KHDRBS3: variants seen among roughly 807,000 people sequenced by gnomAD.
The protein encoded by KHDRBS3 is KH RNA binding domain containing, signal transduction associated 3.
KHDRBS3 carries 23 observed loss-of-function variants against 45.6 expected under a neutral mutation model. The ratio of observed to expected loss-of-function variants is 0.50; its 90% CI spans 0.36 to 0.72. KHDRBS3 has a LOEUF of 0.72. Ranked by LOEUF, KHDRBS3 falls within the 30% of genes least tolerant of loss-of-function variation. The pLI is 0.00. For missense variants in KHDRBS3, 352 were observed against 424.8 expected (o/e 0.83, Z 1.51); for synonymous variants, 162 against 156.5 (o/e 1.04, Z -0.26).
At chr8:135,538,304 A>G (rs1245651653) in intron 2 of KHDRBS3, among the ~76,000 whole-genome samples, 1 of 152,220 alleles carries the variant, frequency 6.6e-6, no homozygotes, top group African/African-American at 2.4e-5. Context: ...CTAACTCAGG[A>G]CATATGTCTT....
intron 5 of KHDRBS3, among the ~76,000 whole-genome samples, chr8:135,569,454 G>A (rs576587797): frequency 6.6e-6 from 1 of 152,250 alleles, no homozygotes; most frequent in South Asian, 2.1e-4. Flanking sequence ...CAGGTAAGAG[G>A]TTTTAAATTA....
chr8:135,546,317 A>T (rs2130787985), intron 3 of KHDRBS3, among the ~76,000 whole-genome samples: 1 of 152,278 alleles, frequency 6.6e-6, no homozygotes, highest in East Asian at 1.9e-4. Flanking sequence ...CCCATTACTT[A>T]TTATTTTAAT....
At chr8:135,524,333 G>T (rs1208031892) in intron 2 of KHDRBS3, among the ~76,000 whole-genome samples, 1 of 152,046 alleles carries the variant, frequency 6.6e-6, no homozygotes, top group East Asian at 1.9e-4. Context: ...TAATATTTTT[G>T]TCAGATTTTA....
intron 1 of KHDRBS3, among the ~76,000 whole-genome samples, chr8:135,459,552 T>C (rs755729909): frequency 1.9e-4 from 29 of 152,210 alleles, no homozygotes; most frequent in Non-Finnish European, 2.9e-4. Flanking sequence ...GTCATCTCTG[T>C]GAAAGAAATT....
intron 3 of KHDRBS3, among the ~76,000 whole-genome samples, chr8:135,546,625 G>C (rs372721410): frequency 6.6e-6 from 1 of 152,068 alleles, no homozygotes; most frequent in Non-Finnish European, 1.5e-5. Flanking sequence ...TATGTGCAAG[G>C]CTTCATCCTA....
chr8:135,645,640 G>A (rs1224820204), intron 8 of KHDRBS3, among the ~76,000 whole-genome samples: 2 of 152,256 alleles, frequency 1.3e-5, no homozygotes, highest in African/African-American at 4.8e-5. Context: ...AAGGGCAGCA[G>A]CTAAACCCCT....
At chr8:135,640,690 C>T (rs1188175089) in intron 7 of KHDRBS3, among the ~76,000 whole-genome samples, 1 of 152,138 alleles carries the variant, frequency 6.6e-6, no homozygotes, top group Non-Finnish European at 1.5e-5. Flanking sequence ...GAGACATGGT[C>T]CTGGTGCCAG....
At chr8:135,571,846 A>G (rs368403993) in intron 5 of KHDRBS3, among the ~76,000 whole-genome samples, 4 of 152,212 alleles carry the variant, frequency 2.6e-5, no homozygotes, top group Non-Finnish European at 2.9e-5. Context: ...TCTCTAAGCC[A>G]TAGTTCTTTC....
At chr8:135,588,666 C>T (rs1193434273) in intron 6 of KHDRBS3, among the ~76,000 whole-genome samples, 4 of 152,168 alleles carry the variant, frequency 2.6e-5, no homozygotes, top group Admixed American at 2.6e-4. Flanking sequence ...TTATGAATAA[C>T]AAAACGCCCT....
chr8:135,607,001 A>G lies in KHDRBS3; in HGVS notation c.854A>G (p.Asp285Gly). The change falls in exon 7 of 9, where the codon GAT becomes GGT. Residue 285 changes from aspartate to glycine, a missense_variant. Transcript: ENST00000355849. ...ACTGCTTATGATGAACAGAGTTATGATTCCTATGATAACAGCTATAGCACC... is the reference window on the plus strand; with the variant it reads ...ACTGCTTATGATGAACAGAGTTATGGTTCCTATGATAACAGCTATAGCACC... ...YGTAYDEQSY[D>G]SYDNSYSTPA... 6 of 1,613,662 alleles carry G rather than the reference A, an allele frequency of 3.7e-6. No individual in the cohort carries two copies. The highest frequency in any genetic ancestry group is 5.1e-6 in the Non-Finnish European group (6 of 1,179,738).
At chr8:135,501,665 A>AT (rs368056816) in intron 1 of KHDRBS3, among the ~76,000 whole-genome samples, 20 of 150,284 alleles carry the variant, frequency 1.3e-4, no homozygotes, top group South Asian at 1.1e-3. Context: ...TAGCTTATCG[A>AT]TTTTTTTTTT....
At chr8:135,648,641 A>C (rs1414185765), downstream of KHDRBS3, 2 of 152,202 alleles carry the variant, frequency 1.3e-5, no homozygotes, top group Admixed American at 1.3e-4. Context: ...CCTGTGTGGA[A>C]GATGAAGACA....
chr8:135,565,506 A>G (rs958788226), intron 5 of KHDRBS3, among the ~76,000 whole-genome samples: 1 of 152,198 alleles, frequency 6.6e-6, no homozygotes, highest in African/African-American at 2.4e-5. Flanking sequence ...TTAAGCAGAT[A>G]GCTTGATTGA....
intron 7 of KHDRBS3, among the ~76,000 whole-genome samples, chr8:135,619,118 T>A (rs1830035414): frequency 6.6e-6 from 1 of 152,246 alleles, no homozygotes; most frequent in Admixed American, 6.5e-5. Context: ...GATGCTTTTT[T>A]GTTCAGTGTT....
downstream of KHDRBS3, chr8:135,647,854 A>G (rs1433333385): frequency 6.6e-6 from 1 of 152,228 alleles, no homozygotes; most frequent in African/African-American, 2.4e-5. Flanking sequence ...ACGTTAAACT[A>G]CGCAAAACCA....
intron 1 of KHDRBS3, among the ~76,000 whole-genome samples, chr8:135,478,084 A>G (rs1694829048): frequency 1.3e-5 from 2 of 152,132 alleles, no homozygotes; most frequent in South Asian, 2.1e-4. Context: ...TAAGAATCCA[A>G]TCCCCTTGCA....
intron 1 of KHDRBS3, 62 bp downstream of exon 1, chr8:135,458,016 G>T (rs1419686096): frequency 6.6e-7 from 1 of 1,504,484 alleles, no homozygotes; most frequent in Non-Finnish European, 8.9e-7. Flanking sequence ...AAACGCGGGG[G>T]CCCAGGGGGC....
chr8:135,604,108 A>G (rs991811537), intron 6 of KHDRBS3, among the ~76,000 whole-genome samples: 32 of 151,868 alleles, frequency 2.1e-4, no homozygotes, highest in African/African-American at 7.2e-4. Context: ...TATTTTTTAT[A>G]TATGCATACA....
intron 7 of KHDRBS3, among the ~76,000 whole-genome samples, chr8:135,630,277 A>G (rs562795079): frequency 2.6e-5 from 4 of 152,296 alleles, no homozygotes; most frequent in African/African-American, 9.6e-5. Context: ...GTAGTCTAAT[A>G]TTGCTAATTT....
Sources: allele counts gnomAD v4.1 joint callset (sites outside exome capture counted in the v4.1 genomes callset), GRCh38; gene constraint gnomAD v4.1.1; transcripts MANE v1.5; gene names NCBI Gene and HGNC (gene_info 2026-07-23, HGNC 2026-07-21).